The following CCDC201 variants were observed in gnomAD, a reference collection of about 807,000 sequenced individuals.
CCDC201 encodes coiled-coil domain containing 201.
chr7:45,864,353 T>G (rs1786639847), intron 2 of CCDC201, among the ~76,000 whole-genome samples: 1 of 152,164 alleles, frequency 6.6e-6, no homozygotes, highest in Non-Finnish European at 1.5e-5. Flanking sequence ...CTACCCATAG[T>G]GAGAGCTTCA....
chr7:45,874,461 C>T (rs749255830), upstream of CCDC201, among the ~76,000 whole-genome samples: 4 of 152,200 alleles, frequency 2.6e-5, no homozygotes, highest in Non-Finnish European at 4.4e-5. Context: ...TATGTGAGGG[C>T]TTTCCCAGCT....
the CCDC201 span, among the ~76,000 whole-genome samples, chr7:45,884,120 A>G: frequency 1.4e-5 from 2 of 139,112 alleles, no homozygotes; most frequent in African/African-American, 5.4e-5. Flanking sequence ...CTTTCTCTTG[A>G]GACAGGGTCT....
chr7:45,883,761 C>T, the CCDC201 span, among the ~76,000 whole-genome samples: 1 of 152,118 alleles, frequency 6.6e-6, no homozygotes, highest in African/African-American at 2.4e-5. Context: ...TTCTTTCATG[C>T]ATTAATCACA....
chr7:45,874,796 T>C (rs1786781981), upstream of CCDC201, among the ~76,000 whole-genome samples: 1 of 152,144 alleles, frequency 6.6e-6, no homozygotes, highest in South Asian at 2.1e-4. Context: ...TCTTCTACCC[T>C]GGGGGTGGGG....
chr7:45,878,701 G>A, the CCDC201 span, among the ~76,000 whole-genome samples: 6 of 152,362 alleles, frequency 3.9e-5, no homozygotes, highest in African/African-American at 1.4e-4. Flanking sequence ...CTGGGCCTCT[G>A]GGCCTGTGTT....
chr7:45,883,593 G>C, the CCDC201 span, among the ~76,000 whole-genome samples: 1 of 152,158 alleles, frequency 6.6e-6, no homozygotes, highest in African/African-American at 2.4e-5. Flanking sequence ...GTTGGCTCCA[G>C]GGAGTCCGAG....
At chr7:45,868,268 G>T (rs1786701605) in intron 1 of CCDC201, among the ~76,000 whole-genome samples, 1 of 152,138 alleles carries the variant, frequency 6.6e-6, no homozygotes, top group Admixed American at 6.5e-5. Flanking sequence ...CTCTCCAGGG[G>T]CTAGTTGAGT....
chr7:45,873,690 G>A (rs895354778), upstream of CCDC201, among the ~76,000 whole-genome samples: 3 of 152,204 alleles, frequency 2.0e-5, no homozygotes. Context: ...GTGCCACAGA[G>A]TAATGGTAAA....
chr7:45,866,112 G>A, exon 2 of CCDC201: 1 of 192,894 alleles, frequency 5.2e-6, no homozygotes, highest in South Asian at 8.9e-5. Context: ...AGGGTTTTGT[G>A]CCCAGCTCTT....
chr7:45,884,840 G>A, the CCDC201 span, among the ~76,000 whole-genome samples: 4 of 152,092 alleles, frequency 2.6e-5, no homozygotes, highest in African/African-American at 7.3e-5. Context: ...GCTAGATGGG[G>A]GCAAGACTGT....
At chr7:45,868,121 G>A (rs1039557309) in intron 1 of CCDC201, among the ~76,000 whole-genome samples, 2 of 152,220 alleles carry the variant, frequency 1.3e-5, no homozygotes, top group African/African-American at 4.8e-5. Flanking sequence ...CCATGAGGCT[G>A]TCATTGAGGT....
At chr7:45,860,911 A>G (rs1007686770) in exon 3 of CCDC201, 2 of 152,218 alleles carry the variant, frequency 1.3e-5, no homozygotes, top group East Asian at 3.8e-4. Flanking sequence ...AACTGCATAT[A>G]CTCCAAATAT....
chr7:45,860,954 G>A (rs1404932587), exon 3 of CCDC201: 1 of 152,062 alleles, frequency 6.6e-6, no homozygotes, highest in Non-Finnish European at 1.5e-5. Flanking sequence ...GTGCTAATAT[G>A]TAGAAGATGC....
At chr7:45,883,104 A>G in the CCDC201 span, among the ~76,000 whole-genome samples, 1 of 152,280 alleles carries the variant, frequency 6.6e-6, no homozygotes, top group Middle Eastern at 3.4e-3. Flanking sequence ...TTTATGAAAC[A>G]CTAGCTCCCC....
chr7:45,880,707 G>A, the CCDC201 span, among the ~76,000 whole-genome samples: 1 of 152,350 alleles, frequency 6.6e-6, no homozygotes. Flanking sequence ...GCAGAGCCAG[G>A]GTCACCTGTC....
upstream of CCDC201, among the ~76,000 whole-genome samples, chr7:45,875,613 T>A (rs1786792366): frequency 1.3e-5 from 2 of 152,112 alleles, no homozygotes; most frequent in African/African-American, 2.4e-5. Flanking sequence ...ACCTAATGAA[T>A]AAGAGTGTTT....
chr7:45,883,836 G>A, the CCDC201 span, among the ~76,000 whole-genome samples: 1 of 151,992 alleles, frequency 6.6e-6, no homozygotes, highest in Admixed American at 6.6e-5. Context: ...TTGAGGGTGG[G>A]GCTCTGCCTC....
chr7:45,865,548 T>C (rs1171870469), intron 2 of CCDC201, among the ~76,000 whole-genome samples: 1 of 152,182 alleles, frequency 6.6e-6, no homozygotes, highest in African/African-American at 2.4e-5. Context: ...CCAGGCAGAT[T>C]TTTACTAGAA....
intron 1 of CCDC201, among the ~76,000 whole-genome samples, chr7:45,868,986 T>C (rs761511665): frequency 3.9e-5 from 6 of 152,182 alleles, no homozygotes; most frequent in Non-Finnish European, 8.8e-5. Flanking sequence ...ATTCCATATA[T>C]AAAGGAAAAA....
Sources: gnomAD v4.1 joint callset for allele counts (sites outside exome capture counted in the v4.1 genomes callset) on GRCh38, gnomAD v4.1.1 for gene constraint, MANE v1.5 for transcripts, NCBI Gene and HGNC (gene_info 2026-07-23, HGNC 2026-07-21) for gene names.